The following DST variants were observed in gnomAD, a reference collection of about 807,000 sequenced individuals.
DST encodes bullous pemphigoid antigen.
A neutral mutation model predicts 875.2 loss-of-function variants in DST; 253 were observed. That is an observed-to-expected ratio of 0.29 (90% CI 0.26 to 0.32). The LOEUF (loss-of-function observed/expected upper bound fraction) is 0.32, where lower values mean the gene tolerates loss of function less well. Ranked by LOEUF, DST falls within the 10% of genes least tolerant of loss-of-function variation. The probability of loss-of-function intolerance (pLI) is 1.00; values close to 1 mark genes in which losing one functional copy is unlikely to be tolerated. For synonymous variants in DST, 3,124 were observed against 3,197.1 expected (o/e 0.98, Z 0.77); for missense variants, 8,287 against 9,111.6 (o/e 0.91, Z 3.68).
At chr6:56,630,928 G>A (rs1183730671) in intron 30 of DST, among the ~76,000 whole-genome samples, 1 of 151,682 alleles carries the variant, frequency 6.6e-6, no homozygotes, top group Non-Finnish European at 1.5e-5. Flanking sequence ...GACTACAGAC[G>A]CTTACCACCA....
intron 50 of DST, among the ~76,000 whole-genome samples, chr6:56,575,035 T>G (rs771524265): frequency 4.6e-4 from 70 of 152,298 alleles, no homozygotes; most frequent in Non-Finnish European, 6.6e-4. Context: ...AGGTTAAGTT[T>G]GGATGATTTA....
intron 103 of DST, 36 bp from the exon 104 acceptor site, chr6:56,459,303 A>T (rs1258450022): frequency 3.8e-6 from 6 of 1,584,246 alleles, no homozygotes; most frequent in South Asian, 1.2e-5. Context: ...CACCCTTATT[A>T]TTGGGTCCAT....
chr6:56,631,975 C>G lies in DST; in HGVS notation c.3871G>C (p.Glu1291Gln). ...SEVRNIRLRL[E>Q]NCEDRLIRQI... is the part of the protein sequence containing the mutation. ...CTAATCAGCCGATCTTCACAGTTCT[C>G]TAACCGAAGTCTAATGTTTCGAACT... is the stretch of plus-strand genomic sequence containing the variant. The change falls in exon 29 of 104, where the codon GAG becomes CAG. Residue 1291 changes from glutamate (E) to glutamine (Q), a missense_variant. Around this residue, in one of 10 missense-constraint regions of DST, gnomAD observed 3,138 missense variants for 3,116.6 expected, o/e 1.01. Transcript: ENST00000680361. 1 of 1,613,720 alleles carries G rather than the reference C, an allele frequency of 6.2e-7. No homozygotes were observed.
chr6:56,820,118 C>T (rs933242978), intron 4 of DST, among the ~76,000 whole-genome samples: 1 of 152,200 alleles, frequency 6.6e-6, no homozygotes, highest in Non-Finnish European at 1.5e-5. Context: ...GGTTTAGAAT[C>T]CCAGCTCTGC....
At chr6:56,820,579 T>C (rs895397065) in intron 4 of DST, among the ~76,000 whole-genome samples, 19 of 152,204 alleles carry the variant, frequency 1.2e-4, no homozygotes, top group African/African-American at 4.6e-4. Flanking sequence ...ATAGATATGC[T>C]ACTGCATATC....
chr6:56,899,431 G>C (rs1792979593), intron 3 of DST, among the ~76,000 whole-genome samples: 1 of 151,834 alleles, frequency 6.6e-6, no homozygotes, highest in Admixed American at 6.6e-5. Flanking sequence ...TGTTGGCCTG[G>C]TTACTGAGTC....
chr6:56,864,168 T>TAG (rs1210363812), intron 3 of DST: 2 of 152,212 alleles, frequency 1.3e-5, no homozygotes, highest in African/African-American at 4.8e-5. Flanking sequence ...GACTGCAACA[T>TAG]AGAGACCTTG....
chr6:56,872,735 G>T (rs1427892763), intron 3 of DST, among the ~76,000 whole-genome samples: 1 of 151,332 alleles, frequency 6.6e-6, no homozygotes, highest in African/African-American at 2.4e-5. Flanking sequence ...GAGTGGGGGT[G>T]TATAGGTATT....
At chr6:56,514,918 A>G (rs2096560844) in intron 72 of DST, among the ~76,000 whole-genome samples, 1 of 152,222 alleles carries the variant, frequency 6.6e-6, no homozygotes, top group African/African-American at 2.4e-5. Context: ...AAGAACTTCA[A>G]AGGAGTTCCA....
In DST at chr6:56,704,603, A is replaced by T. The variant is rs562383243; in HGVS notation, c.688-234T>A. ...CAATTCAAATTATTACATTTTTAAG[A>T]CACCAGAACAAACATAAGCCTGGAC... On this transcript the variant is annotated intron_variant, in intron 5 of 103. Transcript: ENST00000680361. Among the ~76,000 whole-genome samples, 5 of 152,338 alleles carry T rather than the reference A, an allele frequency of 3.3e-5. No individual in the cohort carries two copies. The South Asian group carries it at 1.0e-3, about 32-fold the overall frequency.
At chr6:56,728,769 G>A (rs888687798) in intron 5 of DST, among the ~76,000 whole-genome samples, 9 of 152,010 alleles carry the variant, frequency 5.9e-5, no homozygotes, top group Non-Finnish European at 1.3e-4. Flanking sequence ...CCTTGCCCTC[G>A]GGGAAGAGAG....
At chr6:56,571,863 T>C (rs891512119) in intron 53 of DST, among the ~76,000 whole-genome samples, 1 of 152,222 alleles carries the variant, frequency 6.6e-6, no homozygotes, top group Non-Finnish European at 1.5e-5. Flanking sequence ...GTTTTTCTTA[T>C]GCAACATTTT....
intron 4 of DST, among the ~76,000 whole-genome samples, chr6:56,779,841 C>T (rs2099688607): frequency 6.7e-6 from 1 of 149,148 alleles, no homozygotes; most frequent in African/African-American, 2.5e-5. Flanking sequence ...CGTCATTTAG[C>T]ATTAGGTATA....
At chr6:56,471,008 G>A in intron 95 of DST, 98 bp downstream of exon 95, 1 of 1,285,628 alleles carries the variant, frequency 7.8e-7, no homozygotes, top group Admixed American at 2.6e-5. Flanking sequence ...ATAAGACAAT[G>A]CTTTATTGTA....
chr6:56,832,288 T>C (rs1591374066), intron 4 of DST, among the ~76,000 whole-genome samples: 1 of 152,190 alleles, frequency 6.6e-6, no homozygotes, highest in African/African-American at 2.4e-5. Context: ...AATCGAATCA[T>C]GGGGGCAAGT....
rs1238434576 is a variant in DST, at chr6:56,536,948, T to TA, written c.16609-9dup. On this transcript the variant is annotated splice_polypyrimidine_tract_variant and intron_variant, in intron 61 of 103. Transcript: ENST00000680361. ...CTCTTCTTTCTGGAATACCTGCAGT[T>TA]AAAAGAGTAATAATTATATGAGTTA... The TA allele has an allele frequency of 6.2e-7, 1 of 1,612,460 alleles. No homozygotes were observed. Among genetic ancestry groups the TA allele is most frequent in the Non-Finnish European group, 8.5e-7 (1 of 1,178,850 alleles).
chr6:56,505,442 T>C (rs2096277287), intron 77 of DST, among the ~76,000 whole-genome samples: 2 of 150,070 alleles, frequency 1.3e-5, no homozygotes, highest in African/African-American at 4.9e-5. Context: ...TACTTGTCAT[T>C]GATACCTAAT....
At chr6:56,618,423 T>C (rs761122063) in intron 36 of DST, 2 of 1,614,238 alleles carry the variant, frequency 1.2e-6, no homozygotes, top group Non-Finnish European at 1.7e-6. Flanking sequence ...TTGGCTGTGC[T>C]CTTTTTTTGA....
intron 3 of DST, among the ~76,000 whole-genome samples, chr6:56,852,790 T>C (rs1033779497): frequency 6.6e-6 from 1 of 152,220 alleles, no homozygotes; most frequent in Admixed American, 6.5e-5. Flanking sequence ...CTTGCAGCCA[T>C]GGATTCCTAA....
Sources: allele counts gnomAD v4.1 joint callset (sites outside exome capture counted in the v4.1 genomes callset), GRCh38; gene constraint gnomAD v4.1.1; regional missense constraint gnomAD v4.1.1; transcripts MANE v1.5; gene names NCBI Gene and HGNC (gene_info 2026-07-23, HGNC 2026-07-21).